GALNT13: variants seen among roughly 807,000 people sequenced by gnomAD.
GALNT13 encodes the protein polypeptide N-acetylgalactosaminyltransferase 13.
GALNT13 carries 28 observed loss-of-function variants against 64.2 expected under a neutral mutation model. The observed-to-expected ratio is 0.44, with a 90% CI of 0.32 to 0.60. The LOEUF (loss-of-function observed/expected upper bound fraction) is 0.60, where lower values mean the gene tolerates loss of function less well. Among genes scored for constraint, GALNT13 ranks in the 20% least tolerant of loss-of-function variants. The pLI, the probability that GALNT13 is intolerant of heterozygous loss-of-function variation, is 0.05. For missense variants in GALNT13, 577 were observed against 669.8 expected (o/e 0.86, Z 1.53); for synonymous variants, 214 against 224.6 (o/e 0.95, Z 0.42).
At chr2:153,914,896 C>T (rs918464667) in intron 2 of GALNT13, among the ~76,000 whole-genome samples, 1 of 152,144 alleles carries the variant, frequency 6.6e-6, no homozygotes, top group African/African-American at 2.4e-5. Context: ...TACTAATATA[C>T]TACTCCTGGT....
At chr2:153,264,998 G>A in the GALNT13 span, among the ~76,000 whole-genome samples, 2 of 152,200 alleles carry the variant, frequency 1.3e-5, no homozygotes, top group African/African-American at 4.8e-5. Flanking sequence ...GGGTTGTCAG[G>A]ATTCTGCCTT....
intron 9 of GALNT13, among the ~76,000 whole-genome samples, chr2:154,368,631 A>G (rs1275925435): frequency 6.6e-6 from 1 of 152,160 alleles, no homozygotes; most frequent in Non-Finnish European, 1.5e-5. Context: ...AATTCTGTTT[A>G]TGCCATTGAC....
At chr2:154,117,402 C>T (rs1681645256) in intron 3 of GALNT13, among the ~76,000 whole-genome samples, 1 of 152,170 alleles carries the variant, frequency 6.6e-6, no homozygotes, top group Non-Finnish European at 1.5e-5. Flanking sequence ...AATTTGTAGT[C>T]TTTTTTCCCT....
chr2:153,671,520 C>G, the GALNT13 span, among the ~76,000 whole-genome samples: 2 of 152,132 alleles, frequency 1.3e-5, no homozygotes, highest in African/African-American at 4.8e-5. Context: ...TTGTCACCAC[C>G]AGGCCTGCCC....
At chr2:153,094,888 C>T in the GALNT13 span, among the ~76,000 whole-genome samples, 339 of 152,208 alleles carry the variant, frequency 2.2e-3, no homozygotes, top group African/African-American at 7.9e-3. Flanking sequence ...AAAATTAATT[C>T]GAGATGGATT....
At chr2:153,250,430 G>C in the GALNT13 span, among the ~76,000 whole-genome samples, 46 of 152,292 alleles carry the variant, frequency 3.0e-4, 1 homozygote, top group Non-Finnish European at 6.5e-4. Flanking sequence ...TTACATTGTT[G>C]GTGGGAGTGT....
At chr2:154,264,793 G>GAAAAAAAAAAAAAA (rs34673909) in intron 8 of GALNT13, among the ~76,000 whole-genome samples, 1 of 140,370 alleles carries the variant, frequency 7.1e-6, no homozygotes. Flanking sequence ...TATCAGAAAA[G>GAAAAAAAAAAAAAA]AAAAAAAAAA....
chr2:154,075,878 G>T (rs756142045), intron 3 of GALNT13, among the ~76,000 whole-genome samples: 4 of 151,628 alleles, frequency 2.6e-5, no homozygotes, highest in Non-Finnish European at 5.9e-5. Flanking sequence ...GTATGTGTCA[G>T]TCATTGCTCT....
At chr2:153,674,543 A>G in the GALNT13 span, among the ~76,000 whole-genome samples, 11 of 152,274 alleles carry the variant, frequency 7.2e-5, no homozygotes, top group East Asian at 2.1e-3. Context: ...CTTATAAAAA[A>G]TTAACTCATG....
chr2:153,376,361 A>G, the GALNT13 span, among the ~76,000 whole-genome samples: 1 of 152,204 alleles, frequency 6.6e-6, no homozygotes, highest in Non-Finnish European at 1.5e-5. Context: ...CATGAAGGAT[A>G]AGAAAGGCTG....
chr2:153,215,473 A>T, the GALNT13 span, among the ~76,000 whole-genome samples: 1 of 152,096 alleles, frequency 6.6e-6, no homozygotes, highest in Non-Finnish European at 1.5e-5. Context: ...AGGTGAGAGG[A>T]TTTAAAATGA....
intron 7 of GALNT13, among the ~76,000 whole-genome samples, chr2:154,247,482 G>C (rs546979706): frequency 4.6e-5 from 7 of 151,906 alleles, no homozygotes; most frequent in East Asian, 1.9e-4. Flanking sequence ...TTATAAGAAG[G>C]CATGTTTATA....
At chr2:154,202,697 A>G (rs1441735642) in intron 4 of GALNT13, among the ~76,000 whole-genome samples, 2 of 152,106 alleles carry the variant, frequency 1.3e-5, no homozygotes, top group African/African-American at 4.8e-5. Context: ...CTCTGTTAAA[A>G]AATATTAAGA....
intron 3 of GALNT13, among the ~76,000 whole-genome samples, chr2:154,086,537 G>A (rs748469711): frequency 1.2e-4 from 18 of 151,152 alleles, no homozygotes; most frequent in Non-Finnish European, 2.5e-4. Flanking sequence ...ATATCCATTT[G>A]CATAAAGTTT....
At chr2:153,195,111 A>C in the GALNT13 span, among the ~76,000 whole-genome samples, 1 of 152,068 alleles carries the variant, frequency 6.6e-6, no homozygotes, top group Admixed American at 6.6e-5. Flanking sequence ...TGGGTGTGTG[A>C]GTCCTTTCGT....
the GALNT13 span, among the ~76,000 whole-genome samples, chr2:153,838,292 G>C: frequency 1.3e-5 from 2 of 151,786 alleles, no homozygotes; most frequent in Non-Finnish European, 2.9e-5. Flanking sequence ...TGTTGCTTGT[G>C]CTTTTGGTGT....
chr2:153,830,873 C>T, the GALNT13 span, among the ~76,000 whole-genome samples: 4 of 151,986 alleles, frequency 2.6e-5, no homozygotes, highest in African/African-American at 9.7e-5. Context: ...GTATTCTTTC[C>T]TCATGCTGAA....
chr2:154,199,121 G>GTT (rs201517229), intron 4 of GALNT13, among the ~76,000 whole-genome samples: 1 of 150,384 alleles, frequency 6.6e-6, no homozygotes, highest in Non-Finnish European at 1.5e-5. Context: ...AATTTCTTCT[G>GTT]TTTTTTTTTA....
the GALNT13 span, among the ~76,000 whole-genome samples, chr2:153,128,601 A>G: frequency 2.3e-3 from 343 of 152,238 alleles, 2 homozygotes; most frequent in African/African-American, 8.1e-3. Context: ...ATAATTCAAA[A>G]TGGCACTCTA....
Sources: gnomAD v4.1 joint callset for allele counts (sites outside exome capture counted in the v4.1 genomes callset) on GRCh38, gnomAD v4.1.1 for gene constraint, MANE v1.5 for transcripts, NCBI Gene and HGNC (gene_info 2026-07-23, HGNC 2026-07-21) for gene names.